The following FBXL7 variants were observed in gnomAD, a reference collection of about 807,000 sequenced individuals.
FBXL7 encodes the protein F-box and leucine rich repeat protein 7, also known as F-box/LRR-repeat protein 7.
A neutral mutation model predicts 38.3 loss-of-function variants in FBXL7; 12 were observed. The observed-to-expected ratio is 0.31, with a 90% CI of 0.20 to 0.51. FBXL7 has a LOEUF of 0.51. Among genes scored for constraint, FBXL7 ranks in the 20% least tolerant of loss-of-function variants. The pLI, the probability that FBXL7 is intolerant of heterozygous loss-of-function variation, is 0.98. For synonymous variants in FBXL7, 297 were observed against 300.9 expected (o/e 0.99, Z 0.13); for missense variants, 567 against 676.4 (o/e 0.84, Z 1.79).
chr5:15,803,745 C>A (rs1163793713), intron 2 of FBXL7, among the ~76,000 whole-genome samples: 1 of 152,190 alleles, frequency 6.6e-6, no homozygotes. Context: ...TTGATAGCAT[C>A]TTTTCCCCCT....
At chr5:15,845,134 T>C (rs1388691430) in intron 2 of FBXL7, among the ~76,000 whole-genome samples, 1 of 152,230 alleles carries the variant, frequency 6.6e-6, no homozygotes, top group East Asian at 1.9e-4. Flanking sequence ...ATTGTGTTGA[T>C]CCCTCTGATT....
chr5:15,855,191 T>A (rs1739220355), intron 2 of FBXL7, among the ~76,000 whole-genome samples: 1 of 152,186 alleles, frequency 6.6e-6, no homozygotes, highest in Non-Finnish European at 1.5e-5. Context: ...CTACATATTT[T>A]AGGTATAAAC....
intron 2 of FBXL7, among the ~76,000 whole-genome samples, chr5:15,784,566 G>T (rs1307076888): frequency 6.6e-6 from 1 of 152,010 alleles, no homozygotes; most frequent in African/African-American, 2.4e-5. Flanking sequence ...TGGGAGGTGG[G>T]TCGGGGGGCG....
chr5:15,897,841 G>A (rs1230235520), intron 2 of FBXL7, among the ~76,000 whole-genome samples: 3 of 152,126 alleles, frequency 2.0e-5, no homozygotes. Flanking sequence ...ATGGATAGCA[G>A]CTGTGTTTTT....
chr5:15,681,017 A>G (rs977405285), intron 2 of FBXL7, among the ~76,000 whole-genome samples: 8 of 152,234 alleles, frequency 5.3e-5, no homozygotes, highest in Non-Finnish European at 7.3e-5. Context: ...TATGGAAAAT[A>G]TAATTATTAA....
intron 2 of FBXL7, among the ~76,000 whole-genome samples, chr5:15,696,428 T>C (rs1743339273): frequency 6.6e-6 from 1 of 152,212 alleles, no homozygotes; most frequent in Non-Finnish European, 1.5e-5. Context: ...TAAATAAAAC[T>C]GGAACATAAC....
At chr5:15,525,848 C>T (rs16903903) in intron 1 of FBXL7, among the ~76,000 whole-genome samples, 1 of 152,164 alleles carries the variant, frequency 6.6e-6, no homozygotes, top group African/African-American at 2.4e-5. Context: ...AAATGAGCAG[C>T]CTCTTCCCTG....
chr5:15,513,564 T>C (rs888637827), intron 1 of FBXL7, among the ~76,000 whole-genome samples: 25 of 152,188 alleles, frequency 1.6e-4, no homozygotes, highest in Non-Finnish European at 3.1e-4. Flanking sequence ...TTTAGTTTGT[T>C]TCCTGCATGT....
At chr5:15,647,146 T>C (rs1374365688) in intron 2 of FBXL7, among the ~76,000 whole-genome samples, 1 of 152,242 alleles carries the variant, frequency 6.6e-6, no homozygotes, top group African/African-American at 2.4e-5. Flanking sequence ...TGTAACCTTA[T>C]AATGACAAGA....
intron 1 of FBXL7, among the ~76,000 whole-genome samples, chr5:15,560,766 A>G (rs1049106218): frequency 2.0e-5 from 3 of 152,036 alleles, no homozygotes; most frequent in Non-Finnish European, 2.9e-5. Context: ...TTCTTCTGCA[A>G]TTTCATTGTC....
intron 2 of FBXL7, among the ~76,000 whole-genome samples, chr5:15,743,708 T>A (rs143464623): frequency 6.6e-6 from 1 of 152,252 alleles, no homozygotes; most frequent in African/African-American, 2.4e-5. Flanking sequence ...CAATCCCACA[T>A]TTCCCTTCTG....
chr5:15,668,945 TGTTACC>T (rs1442730953), intron 2 of FBXL7, among the ~76,000 whole-genome samples: 2 of 152,232 alleles, frequency 1.3e-5, no homozygotes, highest in East Asian at 3.9e-4. Context: ...ATCTGAGGAC[TGTTACC>T]ATGAGTAAAT....
At chr5:15,540,207 G>T (rs1737704913) in intron 1 of FBXL7, among the ~76,000 whole-genome samples, 1 of 152,076 alleles carries the variant, frequency 6.6e-6, no homozygotes, top group South Asian at 2.1e-4. Flanking sequence ...AAATACCCAA[G>T]GTGTATATCA....
intron 2 of FBXL7, among the ~76,000 whole-genome samples, chr5:15,638,612 C>T (rs1170303530): frequency 2.6e-5 from 4 of 151,668 alleles, no homozygotes; most frequent in Admixed American, 6.6e-5. Context: ...TTGCACATCT[C>T]GGGGGAGGGA....
chr5:15,818,528 A>G (rs1438399780), intron 2 of FBXL7, among the ~76,000 whole-genome samples: 1 of 152,180 alleles, frequency 6.6e-6, no homozygotes, highest in Non-Finnish European at 1.5e-5. Flanking sequence ...TTTAAGTGAT[A>G]TAGAAAAAAT....
intron 2 of FBXL7, among the ~76,000 whole-genome samples, chr5:15,793,046 G>T (rs554599400): frequency 6.6e-6 from 1 of 152,296 alleles, no homozygotes; most frequent in East Asian, 1.9e-4. Context: ...TGTGCAAGCT[G>T]CATGCCTCTG....
intron 1 of FBXL7, among the ~76,000 whole-genome samples, chr5:15,508,616 G>A (rs1736710848): frequency 2.0e-5 from 3 of 152,080 alleles, no homozygotes; most frequent in African/African-American, 2.4e-5. Context: ...CCTGAACCAC[G>A]TTCCCTAGGA....
In FBXL7 at chr5:15,501,218, C is replaced by T. The variant is rs77351848; in HGVS notation, c.37+505C>T. ...TCATGAAACTAAGCACCTATCAGTC[C>T]TGCGAGGCGTGGAATGGCTGGGGGC... On this transcript the variant is annotated intron_variant, in intron 1 of 3. Coordinates refer to ENST00000504595, the MANE Select transcript of FBXL7 (RefSeq NM_012304.5). Among the ~76,000 whole-genome samples the T allele has an allele frequency of 5.6e-3, 846 of 152,250 alleles. 10 individuals are homozygous for T. The highest frequency in any genetic ancestry group is 0.02 in the African/African-American group (814 of 41,556).
At chr5:15,837,993 C>T (rs1229866272) in intron 2 of FBXL7, among the ~76,000 whole-genome samples, 1 of 152,108 alleles carries the variant, frequency 6.6e-6, no homozygotes, top group Non-Finnish European at 1.5e-5. Flanking sequence ...TTTCTCCTGA[C>T]ATTTTGAAGC....
Sources: gnomAD v4.1 joint callset for allele counts (sites outside exome capture counted in the v4.1 genomes callset) on GRCh38, gnomAD v4.1.1 for gene constraint, MANE v1.5 for transcripts, NCBI Gene and HGNC (gene_info 2026-07-23, HGNC 2026-07-21) for gene names.